Variants in COL4A1 observed in about 807,000 individuals in gnomAD.
COL4A1 encodes collagen alpha-1(IV) chain.
A neutral mutation model predicts 216.6 loss-of-function variants in COL4A1; 40 were observed. That is an observed-to-expected ratio of 0.18 (90% CI 0.14 to 0.24). The LOEUF (loss-of-function observed/expected upper bound fraction) is 0.24, where lower values mean the gene tolerates loss of function less well. COL4A1 is among the 10% of genes least tolerant of loss of function. COL4A1 has a pLI of 1.00. For missense variants in COL4A1, 1,628 were observed against 2,196.8 expected (o/e 0.74, Z 5.18); for synonymous variants, 839 against 810.7 (o/e 1.03, Z -0.59).
At chr13:110,173,198 C>T (rs1209049946) in intron 40 of COL4A1, among the ~76,000 whole-genome samples, 2 of 151,866 alleles carry the variant, frequency 1.3e-5, no homozygotes. Flanking sequence ...AGATTCAAAT[C>T]GGGGGAAAGG....
chr13:110,155,310 C>T lies in COL4A1; in HGVS notation c.4728G>A (p.Ser1576=), dbSNP rs552846696. 2.9e-5 allele frequency: 47 copies of T among 1,614,078 alleles called. No individual in the cohort carries two copies. The highest frequency in any genetic ancestry group is 1.4e-4 in the South Asian group (13 of 91,088). ...TCACAAAAGAGTAGCCGATCCACAG[C>T]GAGGACCACCCGCTGGGGCACGGTG... The part of the protein sequence containing the change: ...QIPPCPSGWS[S]LWIGYSFVMH... Residue 1576 remains serine, a synonymous_variant, in exon 50 of 52, where the codon TCG becomes TCA. Transcript: ENST00000375820.
At chr13:110,183,709 G>T (rs1256676147) in intron 26 of COL4A1, among the ~76,000 whole-genome samples, 1 of 152,158 alleles carries the variant, frequency 6.6e-6, no homozygotes, top group Non-Finnish European at 1.5e-5. Flanking sequence ...CGTTTGGTGG[G>T]AAATTATCCA....
At chr13:110,172,497 A>G (rs1202996052) in intron 41 of COL4A1, among the ~76,000 whole-genome samples, 1 of 152,242 alleles carries the variant, frequency 6.6e-6, no homozygotes, top group Non-Finnish European at 1.5e-5. Context: ...CAAGTAAAAG[A>G]TAATTCTGAT....
intron 1 of COL4A1, among the ~76,000 whole-genome samples, chr13:110,292,591 G>C (rs540535354): frequency 2.5e-4 from 38 of 152,328 alleles, no homozygotes; most frequent in Non-Finnish European, 4.3e-4. Context: ...AATCATGGTG[G>C]AAGGCAAAGG....
chr13:110,180,825 T>C (rs1480123760), intron 29 of COL4A1, among the ~76,000 whole-genome samples: 4 of 152,120 alleles, frequency 2.6e-5, no homozygotes, highest in African/African-American at 7.2e-5. Context: ...TGGTGACCCA[T>C]AGGTGGAGGG....
intron 2 of COL4A1, among the ~76,000 whole-genome samples, chr13:110,217,182 C>G (rs1334641039): frequency 1.3e-5 from 2 of 152,196 alleles, no homozygotes; most frequent in African/African-American, 2.4e-5. Context: ...ACAGAATAAG[C>G]ACTTAAACAG....
Position 110,164,918 on chromosome 13 carries a change from T to G in COL4A1, c.4094A>C (p.Glu1365Ala). ...IKGEPGLPGP[E>A]GPPGLKGLQG... ...AAGCCCTTTCAGCCCTGGGGGGCCCTCAGGACCAGGGAGCCCGGGCTCCCC... is the reference window on the plus strand; with the variant it reads ...AAGCCCTTTCAGCCCTGGGGGGCCCGCAGGACCAGGGAGCCCGGGCTCCCC... The change falls in exon 46 of 52, where the codon GAG becomes GCG. Residue 1365 changes from glutamate to alanine, a missense_variant. This residue lies in a region of COL4A1 where 345 missense variants were observed against 476.9 expected (regional missense o/e 0.72). Transcript: ENST00000375820. 6.2e-7 allele frequency: 1 copy of G among 1,606,996 alleles called. No individual in the cohort carries two copies. Among genetic ancestry groups the G allele is most frequent in the Non-Finnish European group, 8.5e-7 (1 of 1,176,862 alleles).
intron 22 of COL4A1, among the ~76,000 whole-genome samples, chr13:110,193,680 A>G (rs2139181150): frequency 6.6e-6 from 1 of 152,356 alleles, no homozygotes; most frequent in African/African-American, 2.4e-5. Context: ...GCACACGGGC[A>G]CTGCTATTGC....
Position 110,224,213 on chromosome 13 carries a change from G to T in COL4A1, c.145-10198C>A, listed in dbSNP as rs368926011. 5.5e-5 allele frequency among the ~76,000 whole-genome samples: 8 copies of T among 145,596 alleles called. No individual in the cohort carries two copies. The East Asian group carries it at 5.8e-4, about 11-fold the overall frequency. On this transcript the variant is annotated intron_variant, in intron 2 of 51. Transcript: ENST00000375820. Reference sequence around the variant, plus strand: ...TCCATGAAATTTATCACAATTCTAGGTCATGACTTAGTTAAAAGATTTGGG... The same window carrying T: ...TCCATGAAATTTATCACAATTCTAGTTCATGACTTAGTTAAAAGATTTGGG...
At chr13:110,248,775 G>T (rs1033783670) in intron 1 of COL4A1, among the ~76,000 whole-genome samples, 2 of 152,304 alleles carry the variant, frequency 1.3e-5, no homozygotes, top group Non-Finnish European at 2.9e-5. Flanking sequence ...TTACAGGTGT[G>T]AGCCACCGCA....
At chr13:110,253,799 ATATATG>A (rs61706227) in intron 1 of COL4A1, among the ~76,000 whole-genome samples, 1 of 102,772 alleles carries the variant, frequency 9.7e-6, no homozygotes, top group Non-Finnish European at 2.3e-5. Context: ...AATTATACGT[ATATATG>A]TATAATTATA....
At chr13:110,167,567 A>AT (rs1877403598) in intron 43 of COL4A1, among the ~76,000 whole-genome samples, 4 of 152,148 alleles carry the variant, frequency 2.6e-5, no homozygotes, top group African/African-American at 7.2e-5. Context: ...CCCCCTCAAC[A>AT]CCTGTGACGG....
At chr13:110,267,009 C>T (rs1883061243) in intron 1 of COL4A1, among the ~76,000 whole-genome samples, 1 of 152,188 alleles carries the variant, frequency 6.6e-6, no homozygotes, top group Non-Finnish European at 1.5e-5. Flanking sequence ...CATAAGGCAG[C>T]AGAGTTGCAC....
At chr13:110,151,022 TC>T (rs1210533560) in intron 51 of COL4A1, among the ~76,000 whole-genome samples, 1 of 152,218 alleles carries the variant, frequency 6.6e-6, no homozygotes, top group Non-Finnish European at 1.5e-5. Flanking sequence ...ACATTCAATG[TC>T]CCAAGTGTTT....
At chr13:110,203,417 G>T in intron 18 of COL4A1, 149 bp downstream of exon 18, 2 of 795,920 alleles carry the variant, frequency 2.5e-6, no homozygotes, top group Non-Finnish European at 4.4e-6. Flanking sequence ...AGCTGTGGGT[G>T]TGTGCCCTGC....
At chr13:110,286,035 G>C (rs144147340) in intron 1 of COL4A1, among the ~76,000 whole-genome samples, 1 of 152,304 alleles carries the variant, frequency 6.6e-6, no homozygotes, top group East Asian at 1.9e-4. Context: ...GAGGGCAAAG[G>C]TGCAACATCG....
intron 1 of COL4A1, among the ~76,000 whole-genome samples, chr13:110,269,424 A>G (rs1318163386): frequency 2.0e-5 from 3 of 152,242 alleles, no homozygotes; most frequent in African/African-American, 7.2e-5. Flanking sequence ...TGTAGTTCAC[A>G]GGCATGTAGA....
intron 11 of COL4A1, 84 bp downstream of exon 11, chr13:110,209,305 ACTG>A: frequency 8.1e-7 from 1 of 1,241,054 alleles, no homozygotes. Flanking sequence ...TTTTTTAGAG[ACTG>A]AAAGAATAAG....
intron 45 of COL4A1, among the ~76,000 whole-genome samples, chr13:110,165,286 C>T (rs552295776): frequency 6.6e-6 from 1 of 152,160 alleles, no homozygotes; most frequent in African/African-American, 2.4e-5. Flanking sequence ...CATGCCAGCC[C>T]TCCCAGCAGG....
Sources: allele counts gnomAD v4.1 joint callset (sites outside exome capture counted in the v4.1 genomes callset), GRCh38; gene constraint gnomAD v4.1.1; regional missense constraint gnomAD v4.1.1; transcripts MANE v1.5; gene names NCBI Gene and HGNC (gene_info 2026-07-23, HGNC 2026-07-21).